The following ZFYVE1 variants were observed in gnomAD, a reference collection of about 807,000 sequenced individuals.
ZFYVE1 encodes zinc finger FYVE domain-containing protein 1.
A neutral mutation model predicts 74.4 loss-of-function variants in ZFYVE1; 30 were observed. The ratio of observed to expected loss-of-function variants is 0.40; its 90% confidence interval spans 0.30 to 0.55. ZFYVE1 has a LOEUF of 0.55. Ranked by LOEUF, ZFYVE1 falls within the 20% of genes least tolerant of loss-of-function variation. The pLI is 0.42. For missense variants in ZFYVE1, 703 were observed against 1,011.6 expected (o/e 0.69, Z 4.14); for synonymous variants, 335 against 385.1 (o/e 0.87, Z 1.52).
At chr14:72,976,174 C>G (rs1567344647) in intron 8 of ZFYVE1, among the ~76,000 whole-genome samples, 1 of 151,898 alleles carries the variant, frequency 6.6e-6, no homozygotes. Flanking sequence ...GTGCTGGGCA[C>G]AAGGTACACA....
intron 8 of ZFYVE1, among the ~76,000 whole-genome samples, chr14:72,976,200 TAATG>T (rs1351357260): frequency 1.3e-5 from 2 of 150,956 alleles, no homozygotes; most frequent in Non-Finnish European, 3.0e-5. Context: ...GTATGCTGAA[TAATG>T]AATGAAGGAA....
intron 4 of ZFYVE1, among the ~76,000 whole-genome samples, chr14:72,986,628 T>C (rs1483087995): frequency 6.6e-6 from 1 of 151,198 alleles, no homozygotes; most frequent in South Asian, 2.1e-4. Context: ...TGGCGTGATC[T>C]TGGCTCACTG....
chr14:73,014,809 A>G (rs1271709603), intron 2 of ZFYVE1, among the ~76,000 whole-genome samples: 2 of 152,222 alleles, frequency 1.3e-5, no homozygotes, highest in Non-Finnish European at 2.9e-5. Flanking sequence ...AGGAGCTGGA[A>G]AGAACAAGCC....
chr14:73,021,280 G>A (rs752008584), intron 2 of ZFYVE1, among the ~76,000 whole-genome samples: 1 of 151,998 alleles, frequency 6.6e-6, no homozygotes, highest in African/African-American at 2.4e-5. Context: ...CCTGGGAGAC[G>A]GAGGTTGCAG....
chr14:73,010,793 C>T (rs1195973147), intron 2 of ZFYVE1, among the ~76,000 whole-genome samples: 2 of 127,716 alleles, frequency 1.6e-5, no homozygotes, highest in South Asian at 5.1e-4. Context: ...AAAAAAAAAA[C>T]CACACACAAA....
rs1893789407 is a variant in ZFYVE1 at position 72,998,074 on chromosome 14, G to GC, written c.724dup (p.Ala242GlyfsTer14). 6.2e-7 allele frequency: 1 copy of GC among 1,613,918 alleles called. No homozygotes were observed. On this transcript the variant is annotated frameshift_variant, in exon 3 of 12. Transcript: ENST00000556143. LOFTEE classifies it high-confidence loss of function. ...TGTTCTCTGGCTTAGATTCACGGTG[G>GC]CCCCCAGGAGCCCTTCCGTATCGAT... is the stretch of plus-strand genomic sequence containing the variant.
chr14:72,978,075 C>T, intron 7 of ZFYVE1, 31 bp from the exon 8 acceptor site: 3 of 1,613,938 alleles, frequency 1.9e-6, no homozygotes, highest in Non-Finnish European at 2.5e-6. Context: ...TACTGTTACC[C>T]AGCCAGGTGC....
rs190467000 is a variant in ZFYVE1, at chr14:72,973,071, C to A, written c.2101+1009G>T. Among the ~76,000 whole-genome samples the A allele has an allele frequency of 4.6e-5, 7 of 152,296 alleles. No homozygotes were observed. The East Asian group carries it at 1.3e-3, about 29-fold the overall frequency. On this transcript the variant is annotated intron_variant, in intron 11 of 11. Coordinates refer to ENST00000556143, the MANE Select transcript of ZFYVE1 (RefSeq NM_021260.4). ...GACAGACTAAAGACAGCCATAGAAT[C>A]TTTCACCCACTTTCCATCTTTGACA...
chr14:72,982,648 T>A (rs530347155), intron 4 of ZFYVE1, among the ~76,000 whole-genome samples: 2 of 152,310 alleles, frequency 1.3e-5, no homozygotes, highest in East Asian at 3.9e-4. Context: ...TAGAAATCAC[T>A]AAGCACATGC....
intron 5 of ZFYVE1, among the ~76,000 whole-genome samples, chr14:72,981,153 C>T (rs1893320733): frequency 6.6e-6 from 1 of 152,222 alleles, no homozygotes; most frequent in African/African-American, 2.4e-5. Context: ...TTCGGAAGCA[C>T]TGTCCCAACT....
intron 3 of ZFYVE1, among the ~76,000 whole-genome samples, chr14:72,994,320 C>A (rs1315454931): frequency 2.3e-5 from 1 of 43,932 alleles, no homozygotes; most frequent in Non-Finnish European, 4.7e-5. Context: ...GAGACGCTGT[C>A]TCAAAAAAAA....
intron 2 of ZFYVE1, among the ~76,000 whole-genome samples, chr14:73,020,015 G>C (rs1450272912): frequency 3.3e-5 from 5 of 152,056 alleles, no homozygotes; most frequent in African/African-American, 1.2e-4. Context: ...CTAGCACTTT[G>C]GGAGGCCAAG....
At chr14:73,025,349 G>GT (rs1894436164) in intron 1 of ZFYVE1, among the ~76,000 whole-genome samples, 1 of 151,844 alleles carries the variant, frequency 6.6e-6, no homozygotes, top group African/African-American at 2.4e-5. Flanking sequence ...GATTACAGGC[G>GT]TGAGTCACCG....
chr14:72,984,465 G>A (rs1437942079), intron 4 of ZFYVE1, among the ~76,000 whole-genome samples: 4 of 151,824 alleles, frequency 2.6e-5, no homozygotes, highest in South Asian at 4.2e-4. Context: ...GGAGGCGGAC[G>A]TTACAGTGAG....
At position 73,020,900 on chromosome 14, in the gene ZFYVE1, C is replaced by T. The variant is rs553272572; in HGVS notation, c.483+3126G>A. Among the ~76,000 whole-genome samples, 12 of 152,230 alleles carry T rather than the reference C, an allele frequency of 7.9e-5. No homozygotes were observed. In the East Asian group the frequency reaches 2.3e-3, roughly 30 times the overall value. On this transcript the variant is annotated intron_variant, in intron 2 of 11. Coordinates refer to ENST00000556143, the MANE Select transcript of ZFYVE1 (RefSeq NM_021260.4). ...AGGCGTGAGCCACCATGCCTAGCTA[C>T]TTTTTTTATTTTCATTAGAGACAGG...
intron 5 of ZFYVE1, among the ~76,000 whole-genome samples, chr14:72,980,092 T>A (rs1162965759): frequency 6.6e-6 from 1 of 152,222 alleles, no homozygotes; most frequent in East Asian, 1.9e-4. Context: ...TAAGTCACAC[T>A]GTCAACTAAC....
chr14:72,975,885 T>A lies in ZFYVE1; in HGVS notation c.1636-164A>T. 1 of 744,730 alleles carries A rather than the reference T, an allele frequency of 1.3e-6. No individual in the cohort carries two copies. Among genetic ancestry groups the A allele is most frequent in the Non-Finnish European group, 2.1e-6 (1 of 466,890 alleles). 46.1% of individuals were successfully genotyped at this position (744,730 alleles called of 1,614,324 possible). ...ACCAGGAATCCCTCTGGCTTTATTCTCTTCAAAGTGACCATAAGACTTGAT... is the reference window on the plus strand; with the variant it reads ...ACCAGGAATCCCTCTGGCTTTATTCACTTCAAAGTGACCATAAGACTTGAT... On this transcript the variant is annotated intron_variant, in intron 8 of 11. Coordinates refer to ENST00000556143, the MANE Select transcript of ZFYVE1 (RefSeq NM_021260.4). This position sits in a 1 kb window ranked among gnomAD's most constrained non-coding sequence, Gnocchi z 4.1.
At chr14:73,005,361 T>A (rs1375005762) in intron 2 of ZFYVE1, among the ~76,000 whole-genome samples, 2 of 152,140 alleles carry the variant, frequency 1.3e-5, no homozygotes, top group African/African-American at 4.8e-5. Flanking sequence ...GGTGCTCCAA[T>A]CCTGGAGTTA....
chr14:72,981,864 G>A lies in ZFYVE1; in HGVS notation c.1235C>T (p.Pro412Leu). 1 of 1,614,044 alleles carries A rather than the reference G, an allele frequency of 6.2e-7. No individual in the cohort carries two copies. The highest frequency in any genetic ancestry group is 8.5e-7 in the Non-Finnish European group (1 of 1,180,028). The change falls in exon 5 of 12, where the codon CCC becomes CTC. Residue 412 changes from proline to leucine, a missense_variant. Pro to Leu is a moderately conservative substitution (Grantham distance 98). Around this residue, in one of 2 missense-constraint regions of ZFYVE1, gnomAD observed 492 missense variants for 790.0 expected, o/e 0.62. Transcript: ENST00000556143. ...ALSDRFSGEI[P>L]DDQMAHSSFF... Reference sequence around the variant, plus strand: ...GGAGCTGTGCGCCATCTGGTCATCGGGGATCTCACCGCTGAAGCGGTCACT... The same window carrying A: ...GGAGCTGTGCGCCATCTGGTCATCGAGGATCTCACCGCTGAAGCGGTCACT...
Sources: allele counts gnomAD v4.1 joint callset (sites outside exome capture counted in the v4.1 genomes callset), GRCh38; gene constraint gnomAD v4.1.1; regional missense constraint gnomAD v4.1.1; non-coding constraint Gnocchi (gnomAD v3.1); transcripts MANE v1.5; gene names NCBI Gene and HGNC (gene_info 2026-07-23, HGNC 2026-07-21).